The following B3GALT1 variants were observed in gnomAD, a reference collection of about 807,000 sequenced individuals.
B3GALT1 encodes the protein UDP-Gal:betaGlcNAc beta 1,3-galactosyltransferase, polypeptide 1.
In B3GALT1, 10 loss-of-function variants were observed where a neutral mutation model predicts 23.2. That is an observed-to-expected ratio of 0.43 (90% CI 0.27 to 0.73). The LOEUF (loss-of-function observed/expected upper bound fraction) is 0.73, where lower values mean the gene tolerates loss of function less well. Among genes scored for constraint, B3GALT1 ranks in the 30% least tolerant of loss-of-function variants. B3GALT1 has a pLI of 0.21. For missense variants in B3GALT1, 299 were observed against 405.4 expected (o/e 0.74, Z 2.25); for synonymous variants, 156 against 141.5 (o/e 1.10, Z -0.73).
intron 3 of B3GALT1, among the ~76,000 whole-genome samples, chr2:167,754,745 ACT>A (rs1687790368): frequency 6.6e-6 from 1 of 152,084 alleles, no homozygotes; most frequent in Non-Finnish European, 1.5e-5. Context: ...TGAGTTCAAC[ACT>A]CTCTGCTTCT....
At chr2:167,717,077 A>G (rs1246627696) in intron 3 of B3GALT1, among the ~76,000 whole-genome samples, 1 of 152,180 alleles carries the variant, frequency 6.6e-6, no homozygotes, top group Non-Finnish European at 1.5e-5. Context: ...AATCTGTGAA[A>G]ATAAAGTGAG....
chr2:167,353,798 G>A (rs569927074), intron 1 of B3GALT1, among the ~76,000 whole-genome samples: 61 of 152,176 alleles, frequency 4.0e-4, no homozygotes, highest in African/African-American at 1.3e-3. Flanking sequence ...TTGCCTAATA[G>A]GTGCTGTGTT....
intron 2 of B3GALT1, among the ~76,000 whole-genome samples, chr2:167,609,901 A>G (rs543071440): frequency 6.6e-6 from 1 of 152,258 alleles, no homozygotes; most frequent in South Asian, 2.1e-4. Context: ...GAGCGAAGGT[A>G]TTGTGGGGCT....
intron 1 of B3GALT1, among the ~76,000 whole-genome samples, chr2:167,418,558 T>C (rs142915540): frequency 6.6e-6 from 1 of 152,210 alleles, no homozygotes; most frequent in Non-Finnish European, 1.5e-5. Flanking sequence ...CTGAAGGCCA[T>C]TGTAGAATTA....
At chr2:167,744,765 A>G (rs1687628048) in intron 3 of B3GALT1, among the ~76,000 whole-genome samples, 1 of 151,508 alleles carries the variant, frequency 6.6e-6, no homozygotes, top group African/African-American at 2.4e-5. Context: ...CTAATTTTGT[A>G]TTTTTAGTAG....
chr2:167,587,975 A>G (rs963793693), intron 2 of B3GALT1, among the ~76,000 whole-genome samples: 1 of 152,244 alleles, frequency 6.6e-6, no homozygotes, highest in Non-Finnish European at 1.5e-5. Flanking sequence ...TATATCACAC[A>G]GGCTCATTTG....
At chr2:167,484,411 T>G (rs1334241786) in intron 1 of B3GALT1, among the ~76,000 whole-genome samples, 1 of 152,204 alleles carries the variant, frequency 6.6e-6, no homozygotes, top group East Asian at 1.9e-4. Flanking sequence ...CCAAGGTGGT[T>G]GGATTACAAC....
chr2:167,412,279 T>A (rs1389144723), intron 1 of B3GALT1, among the ~76,000 whole-genome samples: 1 of 152,120 alleles, frequency 6.6e-6, no homozygotes, highest in Non-Finnish European at 1.5e-5. Flanking sequence ...AATAACAAAT[T>A]TCTATTCATC....
intron 4 of B3GALT1, among the ~76,000 whole-genome samples, chr2:167,823,401 T>C (rs1213392267): frequency 1.4e-4 from 21 of 152,154 alleles, no homozygotes; most frequent in East Asian, 3.9e-4. Context: ...TTAAACTGAG[T>C]TGGTGCCTCA....
chr2:167,436,017 T>C (rs966234506), intron 1 of B3GALT1, among the ~76,000 whole-genome samples: 1 of 151,446 alleles, frequency 6.6e-6, no homozygotes, highest in Non-Finnish European at 1.5e-5. Context: ...AAGTTACTAT[T>C]ATATCCCTTC....
At chr2:167,318,505 T>C (rs1192711415) in intron 1 of B3GALT1, among the ~76,000 whole-genome samples, 3 of 151,964 alleles carry the variant, frequency 2.0e-5, no homozygotes, top group Non-Finnish European at 2.9e-5. Context: ...TCTTATCTTA[T>C]TTAGAAATTT....
chr2:167,374,829 A>G (rs184811881), intron 1 of B3GALT1, among the ~76,000 whole-genome samples: 1 of 152,262 alleles, frequency 6.6e-6, no homozygotes, highest in East Asian at 1.9e-4. Flanking sequence ...TTTGCTGTGT[A>G]GGAGCACTTT....
At chr2:167,671,040 C>T (rs1048455408) in intron 3 of B3GALT1, among the ~76,000 whole-genome samples, 2 of 152,036 alleles carry the variant, frequency 1.3e-5, no homozygotes, top group African/African-American at 4.8e-5. Flanking sequence ...GATGGCTACA[C>T]TTTTATCAGA....
chr2:167,325,863 G>A (rs1220482174), intron 1 of B3GALT1, among the ~76,000 whole-genome samples: 18 of 151,552 alleles, frequency 1.2e-4, no homozygotes, highest in African/African-American at 3.2e-4. Context: ...GCTTACAGAC[G>A]TTTGCCACCA....
intron 1 of B3GALT1, among the ~76,000 whole-genome samples, chr2:167,303,372 A>T (rs1035315966): frequency 9.2e-5 from 14 of 152,118 alleles, no homozygotes; most frequent in Admixed American, 3.9e-4. Context: ...CACTCCTACC[A>T]GTTTCGTGGT....
intron 3 of B3GALT1, among the ~76,000 whole-genome samples, chr2:167,678,826 C>T (rs543612871): frequency 6.6e-6 from 1 of 152,204 alleles, no homozygotes; most frequent in African/African-American, 2.4e-5. Flanking sequence ...ATACACTTTA[C>T]GTAAGTATAT....
intron 3 of B3GALT1, among the ~76,000 whole-genome samples, chr2:167,800,319 C>T (rs1257052645): frequency 1.3e-5 from 2 of 152,076 alleles, no homozygotes; most frequent in Non-Finnish European, 2.9e-5. Context: ...AAATTTGGAA[C>T]CCCAAGATTA....
At chr2:167,319,751 A>C (rs917292396) in intron 1 of B3GALT1, among the ~76,000 whole-genome samples, 3 of 152,160 alleles carry the variant, frequency 2.0e-5, no homozygotes, top group African/African-American at 7.2e-5. Context: ...AATTATATAC[A>C]AAAACATCCT....
At chr2:167,461,011 C>T (rs558086444) in intron 1 of B3GALT1, among the ~76,000 whole-genome samples, 2 of 152,058 alleles carry the variant, frequency 1.3e-5, no homozygotes, top group African/African-American at 2.4e-5. Flanking sequence ...GGTCAGTGGT[C>T]GTTTAATTCC....
Sources: gnomAD v4.1 joint callset for allele counts (sites outside exome capture counted in the v4.1 genomes callset) on GRCh38, gnomAD v4.1.1 for gene constraint, MANE v1.5 for transcripts, NCBI Gene and HGNC (gene_info 2026-07-23, HGNC 2026-07-21) for gene names.